Variants in COLEC11 observed in about 807,000 individuals in gnomAD.
COLEC11 encodes the protein collectin-11.
A neutral mutation model predicts 27.3 loss-of-function variants in COLEC11; 20 were observed. The ratio of observed to expected loss-of-function variants is 0.73; its 90% CI spans 0.51 to 1.06. COLEC11 has a LOEUF of 1.06. Ranked by LOEUF, COLEC11 falls within the 50% of genes least tolerant of loss-of-function variation. COLEC11 has a pLI of 0.00. For synonymous variants in COLEC11, 163 were observed against 154.7 expected (o/e 1.05, Z -0.40); for missense variants, 310 against 383.0 (o/e 0.81, Z 1.59).
At chr2:3,621,012 T>C (rs1472919367) in intron 3 of COLEC11, among the ~76,000 whole-genome samples, 1 of 152,190 alleles carries the variant, frequency 6.6e-6, no homozygotes, top group African/African-American at 2.4e-5. Context: ...TCTGCTGCTG[T>C]TGGATGGAAT....
At chr2:3,596,337 A>AT (rs369478323) in intron 1 of COLEC11, among the ~76,000 whole-genome samples, 78,232 of 132,740 alleles carry the variant, frequency 0.59, 23,854 homozygotes, top group African/African-American at 0.69. Flanking sequence ...TGTCTATTTC[A>AT]TTTTTTTTTT....
chr2:3,636,947 A>G (rs926132095), intron 3 of COLEC11, among the ~76,000 whole-genome samples: 1 of 152,174 alleles, frequency 6.6e-6, no homozygotes, highest in Non-Finnish European at 1.5e-5. Flanking sequence ...GACAGGGGCC[A>G]GCAGGTCACG....
chr2:3,608,455 T>A (rs1323813701), intron 2 of COLEC11, among the ~76,000 whole-genome samples: 1 of 152,246 alleles, frequency 6.6e-6, no homozygotes, highest in East Asian at 1.9e-4. Flanking sequence ...ATAGAAATCC[T>A]GCTCTGGAGT....
intron 1 of COLEC11, among the ~76,000 whole-genome samples, chr2:3,601,575 T>C (rs1662222213): frequency 6.6e-6 from 1 of 152,214 alleles, no homozygotes. Flanking sequence ...ATTACAGGCG[T>C]GAGCCACTGT....
At chr2:3,610,534 C>T (rs1663106208) in intron 2 of COLEC11, among the ~76,000 whole-genome samples, 1 of 152,192 alleles carries the variant, frequency 6.6e-6, no homozygotes, top group African/African-American at 2.4e-5. Context: ...ATCTCAGCCA[C>T]AATCACTATT....
chr2:3,643,824 G>A lies in COLEC11; in HGVS notation c.522G>A (p.Gly174=). 1.2e-6 allele frequency: 2 copies of A among 1,613,532 alleles called. No homozygotes were observed. Among genetic ancestry groups the A allele is most frequent in the Non-Finnish European group, 1.7e-6 (2 of 1,179,982 alleles). The change falls in exon 7 of 7, where the codon GGG becomes GGA. Residue 174 remains glycine (G), a synonymous_variant. Transcript: ENST00000349077. ...ADAQLSCQGR[G]GTLSMPKDEA... is the part of the protein sequence containing the mutation. ...CCCAGCTGTCCTGCCAGGGCCGCGG[G>A]GGCACGCTGAGCATGCCCAAGGACG...
At chr2:3,634,401 G>A (rs1401354068) in intron 3 of COLEC11, among the ~76,000 whole-genome samples, 1 of 152,196 alleles carries the variant, frequency 6.6e-6, no homozygotes, top group African/African-American at 2.4e-5. Context: ...TGGCTGGGCG[G>A]ACCCAGCAGA....
chr2:3,597,579 C>A (rs902907668), intron 1 of COLEC11, among the ~76,000 whole-genome samples: 1 of 151,990 alleles, frequency 6.6e-6, no homozygotes, highest in African/African-American at 2.4e-5. Flanking sequence ...GGAGTGAGGG[C>A]AGTAAAAGCC....
At chr2:3,631,506 A>G (rs886937439) in intron 3 of COLEC11, among the ~76,000 whole-genome samples, 4 of 152,066 alleles carry the variant, frequency 2.6e-5, no homozygotes, top group East Asian at 1.9e-4. Context: ...CCTTCCCCCA[A>G]AGGCCTCCCT....
chr2:3,605,239 C>T (rs1312647560), intron 2 of COLEC11, among the ~76,000 whole-genome samples: 5 of 151,198 alleles, frequency 3.3e-5, no homozygotes, highest in East Asian at 3.9e-4. Context: ...GTGGCAGGGC[C>T]GGGGCTGCAC....
chr2:3,636,535 TC>T (rs1665429534), intron 3 of COLEC11, among the ~76,000 whole-genome samples: 1 of 152,244 alleles, frequency 6.6e-6, no homozygotes, highest in Non-Finnish European at 1.5e-5. Context: ...TTCATTTAGT[TC>T]CTGCAATGGT....
At chr2:3,596,689 A>AC (rs1205873010) in intron 1 of COLEC11, among the ~76,000 whole-genome samples, 2 of 151,624 alleles carry the variant, frequency 1.3e-5, no homozygotes, top group Non-Finnish European at 2.9e-5. Context: ...TCCACGTTTA[A>AC]CCCCCTCTCC....
intron 4 of COLEC11, among the ~76,000 whole-genome samples, chr2:3,640,076 C>T (rs542717112): frequency 4.5e-4 from 69 of 152,252 alleles, no homozygotes; most frequent in African/African-American, 1.6e-3. Flanking sequence ...TCCCTGTCAC[C>T]CCATGACATG....
At chr2:3,609,567 T>C (rs889953744) in intron 2 of COLEC11, among the ~76,000 whole-genome samples, 12 of 151,862 alleles carry the variant, frequency 7.9e-5, no homozygotes, top group Non-Finnish European at 1.2e-4. Context: ...TTCGCTCTTG[T>C]TGCCCAGGCT....
chr2:3,635,632 T>C (rs11679965), intron 3 of COLEC11, among the ~76,000 whole-genome samples: 23,320 of 152,222 alleles, frequency 0.15, 1,972 homozygotes, highest in East Asian at 0.32. Flanking sequence ...TGAGCTCTGA[T>C]CCCTGCAGCC....
At position 3,613,309 on chromosome 2, in the gene COLEC11, A is replaced by G; in HGVS notation, c.131-2A>G. Reference sequence around the variant, plus strand: ...GCTAAATGGATGTGACTTCTTCCACAGGGGATGCGGGAGAGAAGGGAGACA... The same window carrying G: ...GCTAAATGGATGTGACTTCTTCCACGGGGGATGCGGGAGAGAAGGGAGACA... On this transcript the variant is annotated splice_acceptor_variant, in intron 2 of 6. Transcript: ENST00000349077. LOFTEE classifies it high-confidence loss of function. 1 of 1,609,184 alleles carries G rather than the reference A, an allele frequency of 6.2e-7. No individual in the cohort carries two copies. The highest frequency in any genetic ancestry group is 1.1e-5 in the South Asian group (1 of 89,844).
chr2:3,624,427 C>T (rs1454095979), intron 3 of COLEC11, among the ~76,000 whole-genome samples: 2 of 152,236 alleles, frequency 1.3e-5, no homozygotes, highest in African/African-American at 4.8e-5. Flanking sequence ...CTCCCAGTCT[C>T]TCCCAACTTC....
chr2:3,611,233 T>C (rs1283169803), intron 2 of COLEC11, among the ~76,000 whole-genome samples: 1 of 152,234 alleles, frequency 6.6e-6, no homozygotes, highest in East Asian at 1.9e-4. Context: ...TTATTAGTGC[T>C]GCCCTGTGAA....
intron 2 of COLEC11, among the ~76,000 whole-genome samples, chr2:3,612,507 T>C (rs1344836002): frequency 1.3e-5 from 2 of 151,998 alleles, no homozygotes; most frequent in Non-Finnish European, 2.9e-5. Flanking sequence ...CGGGGTCCGA[T>C]GTAGAGACCA....
Sources: allele counts gnomAD v4.1 joint callset (sites outside exome capture counted in the v4.1 genomes callset), GRCh38; gene constraint gnomAD v4.1.1; transcripts MANE v1.5; gene names NCBI Gene and HGNC (gene_info 2026-07-23, HGNC 2026-07-21).